The following SEMA3A variants were observed in gnomAD, a reference collection of about 807,000 sequenced individuals.
The protein encoded by SEMA3A is semaphorin-3A.
In SEMA3A, 29 loss-of-function variants were observed where a neutral mutation model predicts 97.9. The observed-to-expected ratio is 0.30, with a 90% confidence interval of 0.22 to 0.40. The LOEUF (loss-of-function observed/expected upper bound fraction) is 0.40. Among genes scored for constraint, SEMA3A ranks in the 10% least tolerant of loss-of-function variants. The pLI is 1.00. For missense variants in SEMA3A, 763 were observed against 951.3 expected (o/e 0.80, Z 2.60); for synonymous variants, 321 against 323.7 (o/e 0.99, Z 0.09).
intron 6 of SEMA3A, among the ~76,000 whole-genome samples, chr7:84,038,466 T>C (rs1040046580): frequency 3.3e-5 from 5 of 152,190 alleles, no homozygotes; most frequent in African/African-American, 4.8e-5. Flanking sequence ...AATTAATTCA[T>C]ATGTGATTCT....
chr7:84,068,254 C>G (rs58632750), intron 4 of SEMA3A, among the ~76,000 whole-genome samples: 21,448 of 141,612 alleles, frequency 0.15, 1,856 homozygotes, highest in East Asian at 0.37. Context: ...AGGGGAATAT[C>G]ACACTCTGGG....
At chr7:83,998,703 A>G (rs1166073838) in intron 12 of SEMA3A, among the ~76,000 whole-genome samples, 1 of 152,014 alleles carries the variant, frequency 6.6e-6, no homozygotes. Context: ...CTTAAAACAC[A>G]TATTGTACAC....
intron 6 of SEMA3A, among the ~76,000 whole-genome samples, chr7:84,044,176 G>GTT (rs71076099): frequency 7.3e-5 from 11 of 151,150 alleles, no homozygotes; most frequent in South Asian, 4.2e-4. Flanking sequence ...TGTTAAGAGA[G>GTT]TTTTTTTTTC....
At chr7:84,360,645 G>A (rs1044915317) in intron 2 of SEMA3A, among the ~76,000 whole-genome samples, 4 of 152,036 alleles carry the variant, frequency 2.6e-5, no homozygotes, top group Admixed American at 2.0e-4. Flanking sequence ...AGCATGTCAA[G>A]ACGAGTGTAG....
chr7:84,481,579 T>C (rs749248341), intron 1 of SEMA3A, among the ~76,000 whole-genome samples: 1 of 152,198 alleles, frequency 6.6e-6, no homozygotes, highest in Non-Finnish European at 1.5e-5. Context: ...TATGAAATAA[T>C]TGCAATACTT....
intron 1 of SEMA3A, among the ~76,000 whole-genome samples, chr7:84,410,632 C>G (rs951165087): frequency 2.0e-5 from 3 of 152,150 alleles, no homozygotes; most frequent in Non-Finnish European, 2.9e-5. Context: ...AGCCACCCCA[C>G]AAAGAGTTCC....
chr7:84,412,580 G>C (rs1469418315), intron 1 of SEMA3A, among the ~76,000 whole-genome samples: 1 of 152,096 alleles, frequency 6.6e-6, no homozygotes, highest in Non-Finnish European at 1.5e-5. Flanking sequence ...AATAAAACAA[G>C]AGCTAGATCA....
Position 84,060,575 on chromosome 7 carries a change from GA to G in SEMA3A, c.454-18del. 1 of 1,505,414 alleles carries G rather than the reference GA, an allele frequency of 6.6e-7. No homozygotes were observed. Among genetic ancestry groups the G allele is most frequent in the African/African-American group, 1.4e-5 (1 of 69,952 alleles). 93.3% of individuals were successfully genotyped at this position (1,505,414 alleles called of 1,614,324 possible). A position where few individuals can be genotyped will look rare whatever the true frequency, so the allele number is the denominator to read the frequency against. On this transcript the variant is annotated intron_variant, in intron 4 of 16. Transcript: ENST00000265362. ...AATATTGTCCTGTGGATTTAAAAAAGAAAGAGAAAAGGGTTTCCTTTATATA... is the reference window on the plus strand; with the variant it reads ...AATATTGTCCTGTGGATTTAAAAAAGAAGAGAAAAGGGTTTCCTTTATATA...
At chr7:84,013,326 TTATTC>T (rs1386745458) in intron 7 of SEMA3A, among the ~76,000 whole-genome samples, 1 of 152,214 alleles carries the variant, frequency 6.6e-6, no homozygotes, top group Non-Finnish European at 1.5e-5. Flanking sequence ...TGAACAATTT[TTATTC>T]TATGTATCTA....
intron 1 of SEMA3A, among the ~76,000 whole-genome samples, chr7:84,183,372 G>C (rs1214693736): frequency 6.6e-6 from 1 of 151,964 alleles, no homozygotes; most frequent in African/African-American, 2.4e-5. Context: ...CAACAAGTAG[G>C]TACTTGGATA....
chr7:84,451,255 GA>G (rs768597080), intron 1 of SEMA3A, among the ~76,000 whole-genome samples: 2 of 151,714 alleles, frequency 1.3e-5, no homozygotes, highest in East Asian at 1.9e-4. Flanking sequence ...CAACTCTTAA[GA>G]AAAAAAATGT....
intron 3 of SEMA3A, among the ~76,000 whole-genome samples, chr7:84,288,874 AG>A (rs957802578): frequency 1.3e-5 from 2 of 152,144 alleles, no homozygotes; most frequent in African/African-American, 4.8e-5. Context: ...CATATCTAAA[AG>A]AAAGGAAATC....
At chr7:84,339,814 A>C (rs1431187942) in intron 2 of SEMA3A, among the ~76,000 whole-genome samples, 2 of 152,202 alleles carry the variant, frequency 1.3e-5, no homozygotes, top group Non-Finnish European at 2.9e-5. Context: ...AACAGTTTTC[A>C]AAGCTTTAAC....
intron 1 of SEMA3A, among the ~76,000 whole-genome samples, chr7:84,449,092 A>C (rs942263117): frequency 6.6e-6 from 1 of 152,196 alleles, no homozygotes; most frequent in African/African-American, 2.4e-5. Flanking sequence ...CTGCATATGC[A>C]AAAGAATAAA....
chr7:84,203,506 A>G (rs1465599303), intron 3 of SEMA3A, among the ~76,000 whole-genome samples: 16 of 49,110 alleles, frequency 3.3e-4, no homozygotes, highest in African/African-American at 1.2e-3. Flanking sequence ...GTGTGTGTAT[A>G]TATATATATA....
chr7:84,093,031 T>C (rs549148537), intron 4 of SEMA3A, among the ~76,000 whole-genome samples: 3 of 152,182 alleles, frequency 2.0e-5, no homozygotes, highest in Non-Finnish European at 4.4e-5. Flanking sequence ...ATTTGATATA[T>C]GTCAAATATA....
At chr7:84,195,024 A>AGAGAGAGAGAAAGAGAGAGAGAGAGAGAG (rs1798179833), upstream of SEMA3A, 2 of 140,658 alleles carry the variant, frequency 1.4e-5, no homozygotes, top group African/African-American at 5.4e-5. Context: ...GAGAGAGAGA[A>AGAGAGAGAGAAAGAGAGAGAGAGAGAGAG]AGAGAGAGAG....
intron 13 of SEMA3A, among the ~76,000 whole-genome samples, chr7:83,984,172 T>G (rs1026122776): frequency 2.0e-5 from 3 of 152,064 alleles, no homozygotes; most frequent in African/African-American, 7.2e-5. Context: ...AGACTGGCAA[T>G]GAGGCCTAGC....
chr7:84,048,158 T>A (rs1045032692), intron 5 of SEMA3A, among the ~76,000 whole-genome samples: 2 of 152,196 alleles, frequency 1.3e-5, no homozygotes, highest in South Asian at 4.1e-4. Context: ...TGAATTGTTC[T>A]TGTATGTCAT....
Sources: gnomAD v4.1 joint callset for allele counts (sites outside exome capture counted in the v4.1 genomes callset) on GRCh38, gnomAD v4.1.1 for gene constraint, MANE v1.5 for transcripts, NCBI Gene and HGNC (gene_info 2026-07-23, HGNC 2026-07-21) for gene names.